The following BMPR1B variants were observed in gnomAD, a reference collection of about 807,000 sequenced individuals.
BMPR1B encodes the protein bone morphogenetic protein receptor type 1B, also known as bone morphogenetic protein receptor type-1B.
Under a neutral mutation model 59.1 loss-of-function variants are expected in BMPR1B, and 12 were observed. The ratio of observed to expected loss-of-function variants is 0.20; its 90% CI spans 0.13 to 0.33. The LOEUF (loss-of-function observed/expected upper bound fraction) is 0.33. Ranked by LOEUF, BMPR1B falls within the 10% of genes least tolerant of loss-of-function variation. The pLI is 1.00. For synonymous variants in BMPR1B, 237 were observed against 207.3 expected, an observed-to-expected ratio of 1.14 and a Z score of -1.23; for missense variants, 550 against 610.9, an observed-to-expected ratio of 0.90 and a Z score of 1.05.
At chr4:94,963,159 T>A (rs1390009451) in intron 2 of BMPR1B, among the ~76,000 whole-genome samples, 1 of 152,216 alleles carries the variant, frequency 6.6e-6, no homozygotes, top group Non-Finnish European at 1.5e-5. Context: ...TGCCCATTTT[T>A]AATTGGATTA....
chr4:95,057,845 T>G (rs1196668438), intron 3 of BMPR1B, among the ~76,000 whole-genome samples: 2 of 152,172 alleles, frequency 1.3e-5, no homozygotes, highest in Non-Finnish European at 2.9e-5. Context: ...TGAAAATTAT[T>G]TTAAAAAACA....
intron 1 of BMPR1B, among the ~76,000 whole-genome samples, chr4:94,834,709 C>T (rs1172785678): frequency 6.6e-6 from 1 of 152,144 alleles, no homozygotes; most frequent in Non-Finnish European, 1.5e-5. Context: ...GAGTGTTTTA[C>T]ACTTTCTGGA....
At chr4:94,905,775 T>C (rs1728014028) in intron 2 of BMPR1B, among the ~76,000 whole-genome samples, 1 of 152,038 alleles carries the variant, frequency 6.6e-6, no homozygotes, top group Admixed American at 6.6e-5. Flanking sequence ...GCTGGGCTTG[T>C]GGTGGGCAGG....
intron 1 of BMPR1B, among the ~76,000 whole-genome samples, chr4:94,789,081 T>C (rs532350590): frequency 6.6e-6 from 1 of 152,322 alleles, no homozygotes; most frequent in East Asian, 1.9e-4. Context: ...TTAGAAGCTT[T>C]GCAGAGTGGC....
chr4:94,870,285 C>T (rs949436265), intron 1 of BMPR1B, among the ~76,000 whole-genome samples: 2 of 151,452 alleles, frequency 1.3e-5, no homozygotes, highest in African/African-American at 2.4e-5. Flanking sequence ...CAAGGACCTT[C>T]GTAGTCATAC....
intron 2 of BMPR1B, among the ~76,000 whole-genome samples, chr4:94,971,019 T>C (rs753361639): frequency 6.6e-6 from 1 of 152,222 alleles, no homozygotes; most frequent in Non-Finnish European, 1.5e-5. Flanking sequence ...AATGACATCA[T>C]ACAACAATTG....
intron 1 of BMPR1B, among the ~76,000 whole-genome samples, chr4:94,775,970 A>T (rs1722349417): frequency 1.3e-5 from 2 of 151,982 alleles, no homozygotes; most frequent in African/African-American, 4.8e-5. Flanking sequence ...GGTCGCCTGT[A>T]GTCCCAGCTA....
At chr4:94,842,838 A>C (rs899695212) in intron 1 of BMPR1B, among the ~76,000 whole-genome samples, 19 of 151,522 alleles carry the variant, frequency 1.3e-4, no homozygotes, top group Admixed American at 3.3e-4. Flanking sequence ...CATTAATAAA[A>C]ATGCCTCACA....
intron 1 of BMPR1B, among the ~76,000 whole-genome samples, chr4:94,774,585 C>G (rs2110576874): frequency 6.6e-6 from 1 of 152,122 alleles, no homozygotes; most frequent in East Asian, 1.9e-4. Flanking sequence ...TCTTCTTGTG[C>G]TTTTCTGTTT....
At chr4:94,873,468 G>C (rs1267984156) in intron 1 of BMPR1B, among the ~76,000 whole-genome samples, 1 of 150,822 alleles carries the variant, frequency 6.6e-6, no homozygotes, top group Non-Finnish European at 1.5e-5. Flanking sequence ...ATGCAGTGGC[G>C]CGATCTCGGC....
At position 94,823,115 on chromosome 4, in the gene BMPR1B, A is replaced by G. The variant is rs527397540; in HGVS notation, c.-182-52716A>G. Among the ~76,000 whole-genome samples, 10 of 151,852 alleles carry G rather than the reference A, an allele frequency of 6.6e-5. No homozygotes were observed. In the East Asian group the frequency reaches 1.9e-3, roughly 29 times the overall value. ...CTATAAGCTTTCCTGTTAACCAGAAACTCTTTTAATTGCTTAGTTGAAATA... is the reference window on the plus strand; with the variant it reads ...CTATAAGCTTTCCTGTTAACCAGAAGCTCTTTTAATTGCTTAGTTGAAATA... On this transcript the variant is annotated intron_variant, in intron 1 of 12. Coordinates refer to ENST00000515059, the MANE Select transcript of BMPR1B (RefSeq NM_001203.3).
At chr4:94,765,661 T>C (rs917557769) in intron 1 of BMPR1B, among the ~76,000 whole-genome samples, 30 of 152,116 alleles carry the variant, frequency 2.0e-4, no homozygotes, top group Middle Eastern at 6.8e-3. Flanking sequence ...AGGTCTAACA[T>C]AACTGTTATT....
At chr4:95,027,324 T>G (rs1724498167) in intron 3 of BMPR1B, among the ~76,000 whole-genome samples, 1 of 152,172 alleles carries the variant, frequency 6.6e-6, no homozygotes, top group Non-Finnish European at 1.5e-5. Context: ...TTTGTTGGAG[T>G]CTAAAATGCT....
chr4:94,901,196 T>G (rs530640526), intron 2 of BMPR1B, among the ~76,000 whole-genome samples: 1 of 151,962 alleles, frequency 6.6e-6, no homozygotes, highest in Non-Finnish European at 1.5e-5. Context: ...GACCTATTAA[T>G]GGGGTCATGA....
chr4:94,818,790 G>T (rs577334096), intron 1 of BMPR1B, among the ~76,000 whole-genome samples: 4 of 152,118 alleles, frequency 2.6e-5, no homozygotes, highest in African/African-American at 9.6e-5. Flanking sequence ...TTTGGGGGAG[G>T]GGAGATGAAT....
At chr4:95,094,818 T>G (rs2149253148) in intron 3 of BMPR1B, among the ~76,000 whole-genome samples, 1 of 152,222 alleles carries the variant, frequency 6.6e-6, no homozygotes, top group African/African-American at 2.4e-5. Context: ...GTCCAGAAAT[T>G]TAGCACCAAC....
intron 1 of BMPR1B, among the ~76,000 whole-genome samples, chr4:94,795,600 A>G (rs1352127008): frequency 6.6e-6 from 1 of 151,976 alleles, no homozygotes; most frequent in Non-Finnish European, 1.5e-5. Flanking sequence ...AGTGGCTGGG[A>G]TTATAGGTGT....
Position 95,120,610 on chromosome 4 carries a change from TTTCCTTCC to T in BMPR1B, c.350-3165_350-3158del, listed in dbSNP as rs777085969. Among the ~76,000 whole-genome samples, 212 of 122,670 alleles carry T rather than the reference TTTCCTTCC, an allele frequency of 1.7e-3. 2 individuals carry two copies. The highest frequency in any genetic ancestry group is 4.7e-3 in the African/African-American group (158 of 33,846). The allele number at this position is 122,670 out of a possible 152,430, so 80.5% of individuals were successfully genotyped here. A position where few individuals can be genotyped will look rare whatever the true frequency, so the allele number is the denominator to read the frequency against. On this transcript the variant is annotated intron_variant, in intron 6 of 12. Transcript: ENST00000515059. ...ACAAAAAATCAGTCAATAGCCTGCC[TTTCCTTCC>T]TTCCTTCCTTCCTTCCTTCCTTCCT...
intron 1 of BMPR1B, among the ~76,000 whole-genome samples, chr4:94,782,876 T>G (rs1257720397): frequency 6.6e-6 from 1 of 152,190 alleles, no homozygotes; most frequent in East Asian, 1.9e-4. Flanking sequence ...GTCTTGTAAT[T>G]TTCTGTTGAG....
Sources: gnomAD v4.1 joint callset for allele counts (sites outside exome capture counted in the v4.1 genomes callset) on GRCh38, gnomAD v4.1.1 for gene constraint, MANE v1.5 for transcripts, NCBI Gene and HGNC (gene_info 2026-07-23, HGNC 2026-07-21) for gene names.